The following LYAR variants were observed in gnomAD, a reference collection of about 807,000 sequenced individuals.
LYAR encodes cell growth-regulating nucleolar protein.
LYAR carries 37 observed loss-of-function variants against 45.2 expected under a neutral mutation model. That is an observed-to-expected ratio of 0.82 (90% CI 0.63 to 1.08). LYAR has a LOEUF of 1.08. LYAR is among the 50% of genes least tolerant of loss of function. The probability of loss-of-function intolerance (pLI) is 0.00; values close to 1 mark genes in which losing one functional copy is unlikely to be tolerated. For missense variants in LYAR, 493 were observed against 451.0 expected (o/e 1.09, Z -0.84); for synonymous variants, 176 against 155.1 (o/e 1.14, Z -1.00).
intron 8 of LYAR, 55 bp downstream of exon 8, chr4:4,273,528 A>AT (rs749120632): frequency 1.5e-6 from 2 of 1,321,594 alleles, no homozygotes; most frequent in Non-Finnish European, 2.2e-6. Flanking sequence ...AGCTGGGACT[A>AT]TCAGCGAGAG....
chr4:4,268,173 C>T (rs543891500), intron 9 of LYAR, 150 bp from the exon 10 acceptor site: 20 of 630,726 alleles, frequency 3.2e-5, no homozygotes, highest in Non-Finnish European at 4.4e-5. Context: ...AAAACCCAGG[C>T]GGCAGCCACG....
intron 3 of LYAR, among the ~76,000 whole-genome samples, chr4:4,282,441 C>G (rs1344323692): frequency 1.3e-5 from 2 of 152,182 alleles, no homozygotes; most frequent in African/African-American, 4.8e-5. Context: ...AGGTCCAGGG[C>G]AAAGTCCCCT....
intron 4 of LYAR, among the ~76,000 whole-genome samples, chr4:4,280,941 T>C (rs1719369014): frequency 6.6e-6 from 1 of 152,258 alleles, no homozygotes; most frequent in Non-Finnish European, 1.5e-5. Context: ...GAATCCTTCC[T>C]CCTGCTACCT....
chr4:4,278,447 A>G (rs1241732308), intron 6 of LYAR, among the ~76,000 whole-genome samples: 1 of 152,206 alleles, frequency 6.6e-6, no homozygotes, highest in Non-Finnish European at 1.5e-5. Context: ...TCTCTATTCA[A>G]CCATTTTGAC....
Position 4,279,531 on chromosome 4 carries a change from C to G in LYAR, c.346-1G>C. The G allele has an allele frequency of 1.2e-6, 2 of 1,606,604 alleles. No homozygotes were observed. Among genetic ancestry groups the G allele is most frequent in the Non-Finnish European group, 1.7e-6 (2 of 1,173,436 alleles). On this transcript the variant is annotated splice_acceptor_variant, in intron 5 of 9. Coordinates refer to ENST00000343470, the MANE Select transcript of LYAR (RefSeq NM_017816.3). LOFTEE classifies it high-confidence loss of function. Reference sequence around the variant, plus strand: ...CTTTTAAACTGTTCTTCATCCAATTCTGTAAGAAAGAAAAAGAAAAAGAAC... The same window carrying G: ...CTTTTAAACTGTTCTTCATCCAATTGTGTAAGAAAGAAAAAGAAAAAGAAC...
chr4:4,285,855 C>T (rs2280926), intron 2 of LYAR, among the ~76,000 whole-genome samples: 60,058 of 151,866 alleles, frequency 0.4, 12,852 homozygotes, highest in East Asian at 0.55. Context: ...AAGCTGGAAA[C>T]AAAATATATT....
chr4:4,269,297 A>T (rs1255093482), intron 8 of LYAR, among the ~76,000 whole-genome samples: 3 of 152,202 alleles, frequency 2.0e-5, no homozygotes, highest in African/African-American at 7.2e-5. Context: ...AAGGACCGGG[A>T]AACGGCAGCC....
At chr4:4,268,751 A>C (rs972398729) in intron 8 of LYAR, 136 bp from the exon 9 acceptor site, 1 of 606,220 alleles carries the variant, frequency 1.6e-6, no homozygotes, top group Non-Finnish European at 2.9e-6. Context: ...CCATAGCACC[A>C]AGCATCTGTT....
intron 1 of LYAR, among the ~76,000 whole-genome samples, chr4:4,288,554 C>T (rs568827966): frequency 1.4e-4 from 21 of 147,840 alleles, no homozygotes; most frequent in Non-Finnish European, 2.5e-4. Flanking sequence ...GGCGCAATCT[C>T]GGCTCACTGC....
chr4:4,274,341 T>C (rs1458456937), intron 7 of LYAR, 26 bp downstream of exon 7: 1 of 1,595,576 alleles, frequency 6.3e-7, no homozygotes. Context: ...TTCAGATGAA[T>C]CCCAGAGCGT....
At chr4:4,272,134 A>G (rs1179901417) in intron 8 of LYAR, among the ~76,000 whole-genome samples, 2 of 152,178 alleles carry the variant, frequency 1.3e-5, no homozygotes, top group Non-Finnish European at 2.9e-5. Flanking sequence ...AGCCTTGCGC[A>G]ATGGCGATGG....
intron 8 of LYAR, among the ~76,000 whole-genome samples, chr4:4,269,782 G>A (rs1399852399): frequency 6.6e-6 from 1 of 152,172 alleles, no homozygotes; most frequent in East Asian, 1.9e-4. Context: ...GTAAGACTAG[G>A]AGGCATTTAA....
At chr4:4,269,713 G>A (rs774412133) in intron 8 of LYAR, among the ~76,000 whole-genome samples, 1 of 152,108 alleles carries the variant, frequency 6.6e-6, no homozygotes, top group South Asian at 2.1e-4. Flanking sequence ...GCGTAAACAG[G>A]ATCTCACACC....
intron 8 of LYAR, among the ~76,000 whole-genome samples, chr4:4,270,037 T>C (rs1018902614): frequency 3.3e-5 from 5 of 152,008 alleles, no homozygotes; most frequent in Admixed American, 1.3e-4. Context: ...TGGGCAACAC[T>C]GCAAGACCTC....
intron 6 of LYAR, among the ~76,000 whole-genome samples, chr4:4,278,215 T>C (rs1328977759): frequency 9.2e-5 from 14 of 152,220 alleles, no homozygotes; most frequent in African/African-American, 3.1e-4. Flanking sequence ...CTAGGTGTAC[T>C]ACCGAGATAA....
intron 8 of LYAR, among the ~76,000 whole-genome samples, chr4:4,272,906 C>A (rs1015387123): frequency 2.0e-5 from 3 of 152,088 alleles, no homozygotes; most frequent in African/African-American, 7.2e-5. Flanking sequence ...TGACGACTTG[C>A]CACCTCCCGA....
intron 8 of LYAR, 37 bp downstream of exon 8, chr4:4,273,546 G>T: frequency 6.7e-7 from 1 of 1,485,026 alleles, no homozygotes; most frequent in Non-Finnish European, 9.4e-7. Context: ...GAGCCGCTGT[G>T]CCCAGCCGTG....
Position 4,274,773 on chromosome 4 carries a change from A to T in LYAR, c.430-4T>A. On this transcript the variant is annotated splice_polypyrimidine_tract_variant and splice_region_variant and intron_variant, in intron 6 of 9. Transcript: ENST00000343470. ...CCTGTTCCTTATTGACTGGTTCCTT[A>T]TCATTAAGCAAAAGCAAGAAACACA... 1 of 1,578,470 alleles carries T rather than the reference A, an allele frequency of 6.3e-7. No individual in the cohort carries two copies. The highest frequency in any genetic ancestry group is 8.6e-7 in the Non-Finnish European group (1 of 1,169,458).
At chr4:4,275,651 G>A (rs780670654) in intron 6 of LYAR, among the ~76,000 whole-genome samples, 11 of 151,790 alleles carry the variant, frequency 7.2e-5, no homozygotes, top group Non-Finnish European at 1.3e-4. Context: ...CATTCTTTAC[G>A]TATGGAGGTG....
Sources: allele counts gnomAD v4.1 joint callset (sites outside exome capture counted in the v4.1 genomes callset), GRCh38; gene constraint gnomAD v4.1.1; transcripts MANE v1.5; gene names NCBI Gene and HGNC (gene_info 2026-07-23, HGNC 2026-07-21).